Variants in GUCY1A2 observed in about 807,000 individuals in gnomAD.
The protein encoded by GUCY1A2 is guanylate cyclase soluble subunit alpha-2.
GUCY1A2 carries 27 observed loss-of-function variants against 63.5 expected under a neutral mutation model. The observed-to-expected ratio is 0.43, with a 90% CI of 0.31 to 0.59. The LOEUF (loss-of-function observed/expected upper bound fraction) is 0.59. Ranked by LOEUF, GUCY1A2 falls within the 20% of genes least tolerant of loss-of-function variation. The pLI is 0.11. For synonymous variants in GUCY1A2, 364 were observed against 343.5 expected, an observed-to-expected ratio of 1.06 and a Z score of -0.66; for missense variants, 768 against 913.3, an observed-to-expected ratio of 0.84 and a Z score of 2.05.
At chr11:106,805,269 G>T (rs979972705) in intron 5 of GUCY1A2, among the ~76,000 whole-genome samples, 3 of 145,788 alleles carry the variant, frequency 2.1e-5, no homozygotes, top group Admixed American at 6.9e-5. Flanking sequence ...TTTTTGAGAC[G>T]TAGTCTCACT....
chr11:106,728,343 C>T (rs1387626373), intron 6 of GUCY1A2, among the ~76,000 whole-genome samples: 10 of 152,180 alleles, frequency 6.6e-5, no homozygotes, highest in Admixed American at 6.5e-4. Flanking sequence ...ATCCTCTCTG[C>T]TATCCCAGTT....
intron 4 of GUCY1A2, chr11:106,827,739 G>T: frequency 6.5e-6 from 10 of 1,532,124 alleles, no homozygotes; most frequent in Non-Finnish European, 9.0e-6. Flanking sequence ...CTTGAAATTT[G>T]TAACTGCTTT....
rs1591224974 is a variant in GUCY1A2 at position 106,677,157 on chromosome 11, GAAAT to G, written c.*10388_*10391del. 4.6e-6 allele frequency: 1 copy of G among 219,338 alleles called. No individual in the cohort carries two copies. The highest frequency in any genetic ancestry group is 6.6e-5 in the East Asian group (1 of 15,126). The allele number at this position is 219,338 out of a possible 1,614,324, so 13.6% of individuals were successfully genotyped here. ...TCATTTATCTTATAAGAGCTAGAAA[GAAAT>G]AAAGCAAAGAGGGAGGGAAGGAAAG... On this transcript the variant is annotated 3_prime_UTR_variant, in exon 8 of 8. Coordinates refer to ENST00000526355, the MANE Select transcript of GUCY1A2 (RefSeq NM_000855.3).
At chr11:107,010,950 G>A (rs1456999957) in intron 1 of GUCY1A2, among the ~76,000 whole-genome samples, 1 of 151,890 alleles carries the variant, frequency 6.6e-6, no homozygotes. Flanking sequence ...GGCTCGTCTT[G>A]AACTCCTGAC....
intron 4 of GUCY1A2, among the ~76,000 whole-genome samples, chr11:106,860,416 T>A (rs1859494765): frequency 6.6e-6 from 1 of 152,000 alleles, no homozygotes; most frequent in Admixed American, 6.6e-5. Context: ...TTAATATTTG[T>A]TAGAGTTTCT....
intron 4 of GUCY1A2, among the ~76,000 whole-genome samples, chr11:106,839,893 A>C (rs1859173070): frequency 6.6e-6 from 1 of 151,026 alleles, no homozygotes; most frequent in Admixed American, 6.6e-5. Context: ...TAGCATTAGG[A>C]GATATACCTA....
intron 6 of GUCY1A2, among the ~76,000 whole-genome samples, chr11:106,752,382 T>A (rs1863895994): frequency 6.6e-6 from 1 of 152,230 alleles, no homozygotes; most frequent in African/African-American, 2.4e-5. Context: ...AGTTTTATTA[T>A]ACTTTAAGTT....
intron 4 of GUCY1A2, among the ~76,000 whole-genome samples, chr11:106,815,623 G>T (rs1056526534): frequency 6.6e-6 from 1 of 152,004 alleles, no homozygotes; most frequent in Admixed American, 6.6e-5. Flanking sequence ...AGGACTAGAA[G>T]TATGGGTAAA....
At chr11:106,998,959 C>G (rs919925740) in intron 1 of GUCY1A2, among the ~76,000 whole-genome samples, 1 of 152,148 alleles carries the variant, frequency 6.6e-6, no homozygotes, top group Non-Finnish European at 1.5e-5. Context: ...CTCCAGATGG[C>G]TGACTGAGAG....
At chr11:106,894,248 A>T (rs943236681) in intron 4 of GUCY1A2, among the ~76,000 whole-genome samples, 1 of 152,208 alleles carries the variant, frequency 6.6e-6, no homozygotes, top group Middle Eastern at 3.2e-3. Flanking sequence ...TTCCAGAAAG[A>T]CATAACAATC....
intron 6 of GUCY1A2, among the ~76,000 whole-genome samples, chr11:106,758,584 G>C (rs950714830): frequency 6.6e-6 from 1 of 152,172 alleles, no homozygotes; most frequent in African/African-American, 2.4e-5. Context: ...CTTCTGCATT[G>C]ATCTCACTGG....
intron 6 of GUCY1A2, among the ~76,000 whole-genome samples, chr11:106,756,128 T>C (rs1334390195): frequency 2.0e-5 from 3 of 152,196 alleles, no homozygotes; most frequent in African/African-American, 7.2e-5. Flanking sequence ...TTTTGATCTT[T>C]GTTGGTTTGA....
chr11:106,827,086 T>C, intron 4 of GUCY1A2: 3 of 1,499,770 alleles, frequency 2.0e-6, no homozygotes, highest in Non-Finnish European at 2.8e-6. Flanking sequence ...TCTAAACTCA[T>C]CCTGAAGGTA....
At chr11:106,814,639 TG>T (rs1177907463) in intron 4 of GUCY1A2, among the ~76,000 whole-genome samples, 1 of 152,030 alleles carries the variant, frequency 6.6e-6, no homozygotes, top group Non-Finnish European at 1.5e-5. Context: ...AAGCTTGCTC[TG>T]CACCCTCAAG....
Position 106,709,699 on chromosome 11 carries a change from A to T in GUCY1A2, c.1837-1033T>A, listed in dbSNP as rs898122174. Among the ~76,000 whole-genome samples, 23 of 123,774 alleles carry T rather than the reference A, an allele frequency of 1.9e-4. 1 individual carries two copies. The highest frequency in any genetic ancestry group is 8.0e-4 in the African/African-American group (23 of 28,690). The allele number at this position is 123,774 out of a possible 152,430, so 81.2% of individuals were successfully genotyped here. ...ATAGTTATATATTATATACACGTAT[A>T]GAATATATAGTTATATACACGTATA... On this transcript the variant is annotated intron_variant, in intron 6 of 7. Coordinates refer to ENST00000526355, the MANE Select transcript of GUCY1A2 (RefSeq NM_000855.3).
chr11:106,966,555 T>C (rs1183848985), intron 3 of GUCY1A2, among the ~76,000 whole-genome samples: 1 of 152,212 alleles, frequency 6.6e-6, no homozygotes, highest in Non-Finnish European at 1.5e-5. Flanking sequence ...AAATACAAAA[T>C]ATTCAATAAA....
At chr11:106,747,004 T>C (rs1380420051) in intron 6 of GUCY1A2, among the ~76,000 whole-genome samples, 1 of 152,194 alleles carries the variant, frequency 6.6e-6, no homozygotes, top group African/African-American at 2.4e-5. Context: ...TTTGTTTGTT[T>C]TGAGATGGAG....
At chr11:106,911,583 A>C (rs1392330560) in intron 4 of GUCY1A2, among the ~76,000 whole-genome samples, 1 of 152,070 alleles carries the variant, frequency 6.6e-6, no homozygotes, top group African/African-American at 2.4e-5. Flanking sequence ...TTTTGCATGT[A>C]AATTACAATT....
At chr11:106,854,764 CA>C (rs1425465175) in intron 4 of GUCY1A2, among the ~76,000 whole-genome samples, 1 of 152,120 alleles carries the variant, frequency 6.6e-6, no homozygotes, top group African/African-American at 2.4e-5. Context: ...GTCCTGTCCT[CA>C]GGCCCTATGA....
Sources: allele counts gnomAD v4.1 joint callset (sites outside exome capture counted in the v4.1 genomes callset), GRCh38; gene constraint gnomAD v4.1.1; transcripts MANE v1.5; gene names NCBI Gene and HGNC (gene_info 2026-07-23, HGNC 2026-07-21).